EYS: variants seen among roughly 807,000 people sequenced by gnomAD.
EYS encodes EGF-like photoreceptor maintenance factor.
Under a neutral mutation model 282.1 loss-of-function variants are expected in EYS, and 250 were observed. The observed-to-expected ratio is 0.89, with a 90% confidence interval of 0.80 to 0.98. EYS has a LOEUF of 0.98. Among genes scored for constraint, EYS ranks in the 50% least tolerant of loss-of-function variants. EYS has a pLI of 0.00. For synonymous variants in EYS, 1,355 were observed against 1,282.9 expected, an observed-to-expected ratio of 1.06 and a Z score of -1.20; for missense variants, 4,016 against 3,709.0, an observed-to-expected ratio of 1.08 and a Z score of -2.15.
At chr6:64,526,257 GT>G (rs1777915950) in intron 26 of EYS, among the ~76,000 whole-genome samples, 1 of 151,642 alleles carries the variant, frequency 6.6e-6, no homozygotes, top group Non-Finnish European at 1.5e-5. Context: ...TGATAGGAAT[GT>G]TTTCTTTATT....
chr6:65,661,996 A>C (rs1245485317), intron 1 of EYS, among the ~76,000 whole-genome samples: 1 of 152,116 alleles, frequency 6.6e-6, no homozygotes, highest in East Asian at 1.9e-4. Flanking sequence ...GGCAAAGTTA[A>C]TAATCACCAG....
intron 15 of EYS, among the ~76,000 whole-genome samples, chr6:64,938,013 C>T (rs1431227203): frequency 2.0e-5 from 3 of 151,464 alleles, no homozygotes; most frequent in Non-Finnish European, 3.0e-5. Context: ...TCAAACAAAC[C>T]AGTCACCAAA....
At chr6:64,680,915 C>A (rs1157981583) in intron 22 of EYS, among the ~76,000 whole-genome samples, 1 of 152,222 alleles carries the variant, frequency 6.6e-6, no homozygotes, top group African/African-American at 2.4e-5. Flanking sequence ...TGAGGTAGTG[C>A]AAAACCAAAG....
At chr6:63,974,808 G>T (rs1333457639) in intron 35 of EYS, among the ~76,000 whole-genome samples, 1 of 151,886 alleles carries the variant, frequency 6.6e-6, no homozygotes, top group Admixed American at 6.6e-5. Context: ...ATTTGCCGAA[G>T]ATCTATCAAT....
intron 8 of EYS, among the ~76,000 whole-genome samples, chr6:65,377,077 A>G (rs1267573160): frequency 2.0e-5 from 3 of 152,172 alleles, no homozygotes; most frequent in Non-Finnish European, 4.4e-5. Flanking sequence ...ATACATTTTT[A>G]TCAGCATCAC....
chr6:64,496,429 G>A (rs1414819115), intron 26 of EYS, among the ~76,000 whole-genome samples: 1 of 151,854 alleles, frequency 6.6e-6, no homozygotes, highest in African/African-American at 2.4e-5. Context: ...AATTTTTAAG[G>A]CACAAGGGCT....
chr6:64,394,928 T>C (rs1311352516), intron 28 of EYS, among the ~76,000 whole-genome samples: 1 of 151,938 alleles, frequency 6.6e-6, no homozygotes, highest in Non-Finnish European at 1.5e-5. Flanking sequence ...CTCAAACAAA[T>C]TTACAAGAAA....
At chr6:65,392,158 A>G (rs896154697) in intron 7 of EYS, among the ~76,000 whole-genome samples, 10 of 152,162 alleles carry the variant, frequency 6.6e-5, no homozygotes, top group African/African-American at 2.4e-4. Context: ...TACACCTTAT[A>G]CAAAAATCAA....
chr6:64,215,102 C>G (rs953510725), intron 31 of EYS, among the ~76,000 whole-genome samples: 4 of 151,780 alleles, frequency 2.6e-5, no homozygotes, highest in African/African-American at 9.7e-5. Context: ...AAATTGAGAT[C>G]AAAATTTGGT....
Position 65,572,143 on chromosome 6 carries a change from T to C in EYS, c.-333+67635A>G, listed in dbSNP as rs569246691. ...AATTCATGAAACAGAATATGGCGTT[T>C]AATTATTGAATAAATATGACAGTGT... On this transcript the variant is annotated intron_variant, in intron 2 of 42. Coordinates refer to ENST00000503581, the MANE Select transcript of EYS (RefSeq NM_001142800.2). Among the ~76,000 whole-genome samples the C allele has an allele frequency of 2.0e-5, 3 of 152,222 alleles. No individual in the cohort carries two copies. The South Asian group carries it at 6.2e-4, about 32-fold the overall frequency.
intron 31 of EYS, among the ~76,000 whole-genome samples, chr6:64,097,139 G>C (rs528257951): frequency 6.6e-6 from 1 of 152,148 alleles, no homozygotes; most frequent in Non-Finnish European, 1.5e-5. Context: ...GTACCCAGCC[G>C]TGTGAGATGT....
At chr6:64,781,662 G>T (rs948081344) in intron 22 of EYS, among the ~76,000 whole-genome samples, 7 of 151,910 alleles carry the variant, frequency 4.6e-5, no homozygotes, top group African/African-American at 1.7e-4. Context: ...CAGCCCTTGG[G>T]CGTCATGTTG....
intron 35 of EYS, among the ~76,000 whole-genome samples, chr6:63,898,185 G>A (rs1393400705): frequency 6.6e-6 from 1 of 152,114 alleles, no homozygotes; most frequent in Non-Finnish European, 1.5e-5. Context: ...CAGCAGTTCT[G>A]CATAAAAATA....
intron 35 of EYS, among the ~76,000 whole-genome samples, chr6:63,884,923 T>A (rs1773226892): frequency 1.3e-5 from 2 of 152,134 alleles, no homozygotes; most frequent in Admixed American, 6.5e-5. Context: ...TAATACGCTA[T>A]CTTAATCTTC....
chr6:65,690,639 A>G (rs1321137146), intron 1 of EYS, among the ~76,000 whole-genome samples: 1 of 149,554 alleles, frequency 6.7e-6, no homozygotes, highest in Non-Finnish European at 1.5e-5. Context: ...GGAGCATTTC[A>G]TCTTTTATTC....
intron 33 of EYS, among the ~76,000 whole-genome samples, chr6:64,002,939 G>A (rs920704501): frequency 2.6e-5 from 4 of 152,238 alleles, no homozygotes; most frequent in African/African-American, 9.6e-5. Context: ...CAAAAATTCA[G>A]CTTTCATTAA....
intron 31 of EYS, among the ~76,000 whole-genome samples, chr6:64,092,582 C>T (rs1421493322): frequency 6.6e-6 from 1 of 152,134 alleles, no homozygotes; most frequent in Non-Finnish European, 1.5e-5. Flanking sequence ...ATCCTTTGCC[C>T]ACTTTTTGAT....
intron 12 of EYS, among the ~76,000 whole-genome samples, chr6:65,120,369 C>T (rs1327426344): frequency 6.8e-6 from 1 of 148,082 alleles, no homozygotes; most frequent in Non-Finnish European, 1.5e-5. Flanking sequence ...CTTCTTAAGG[C>T]TCTTCTCTTA....
intron 19 of EYS, among the ~76,000 whole-genome samples, chr6:64,869,806 G>A (rs187272906): frequency 7.7e-4 from 117 of 151,728 alleles, no homozygotes; most frequent in African/African-American, 2.4e-3. Context: ...TAACAAAAAT[G>A]AGAGGGCATT....
Sources: allele counts gnomAD v4.1 joint callset (sites outside exome capture counted in the v4.1 genomes callset), GRCh38; gene constraint gnomAD v4.1.1; transcripts MANE v1.5; gene names NCBI Gene and HGNC (gene_info 2026-07-23, HGNC 2026-07-21).